CDKAL1: variants seen among roughly 807,000 people sequenced by gnomAD.
CDKAL1 encodes threonylcarbamoyladenosine tRNA methylthiotransferase.
CDKAL1 carries 32 observed loss-of-function variants against 68.2 expected under a neutral mutation model. The observed-to-expected ratio is 0.47, with a 90% confidence interval of 0.35 to 0.63. CDKAL1 has a LOEUF of 0.63. Ranked by LOEUF, CDKAL1 falls within the 30% of genes least tolerant of loss-of-function variation. CDKAL1 has a pLI of 0.00. For synonymous variants in CDKAL1, 234 were observed against 244.3 expected (o/e 0.96, Z 0.39); for missense variants, 606 against 696.7 (o/e 0.87, Z 1.47).
intron 4 of CDKAL1, among the ~76,000 whole-genome samples, chr6:20,609,970 C>G (rs1339384269): frequency 6.6e-6 from 1 of 152,064 alleles, no homozygotes; most frequent in South Asian, 2.1e-4. Context: ...GCGTTGTTCC[C>G]CTCTATGTGT....
chr6:20,599,643 C>A (rs988610518), intron 4 of CDKAL1, among the ~76,000 whole-genome samples: 12 of 152,030 alleles, frequency 7.9e-5, no homozygotes. Context: ...ACAGTGTATA[C>A]CAAATAAAAA....
intron 6 of CDKAL1, among the ~76,000 whole-genome samples, chr6:20,749,020 T>C (rs557245001): frequency 2.9e-4 from 44 of 152,146 alleles, no homozygotes; most frequent in South Asian, 1.2e-3. Flanking sequence ...TAAAATGTAT[T>C]CACTTCTTTT....
In CDKAL1 at chr6:20,886,079, C is replaced by G. The variant is rs148059651; in HGVS notation, c.742+39901C>G. ...AACTACGACTCAACAAGCAGACAAC[C>G]CAGTTAGAAAATGGACAAAAGATTT... On this transcript the variant is annotated intron_variant, in intron 9 of 15. Transcript: ENST00000274695. Among the ~76,000 whole-genome samples, 7 of 152,154 alleles carry G rather than the reference C, an allele frequency of 4.6e-5. No individual in the cohort carries two copies. In the South Asian group the frequency reaches 1.2e-3, roughly 27 times the overall value.
In CDKAL1 at chr6:20,859,295, TA is replaced by T. The variant is rs150385173; in HGVS notation, c.742+13127del. Among the ~76,000 whole-genome samples the T allele has an allele frequency of 9.5e-5, 14 of 147,342 alleles. No individual in the cohort carries two copies. The South Asian group carries it at 1.7e-3, about 18-fold the overall frequency. On this transcript the variant is annotated intron_variant, in intron 9 of 15. Coordinates refer to ENST00000274695, the MANE Select transcript of CDKAL1 (RefSeq NM_017774.3). Reference sequence around the variant, plus strand: ...CCTGACTCAGAAAAAATAAAAAACTTAAAAAAAAAAGAAAAAAAATGGTGTT... The same window carrying T: ...CCTGACTCAGAAAAAATAAAAAACTTAAAAAAAAAGAAAAAAAATGGTGTT...
intron 9 of CDKAL1, among the ~76,000 whole-genome samples, chr6:20,944,224 C>T (rs2150703623): frequency 6.6e-6 from 1 of 152,330 alleles, no homozygotes; most frequent in South Asian, 2.1e-4. Flanking sequence ...GAATCACATT[C>T]CTTCACTGTG....
intron 9 of CDKAL1, among the ~76,000 whole-genome samples, chr6:20,884,274 A>T (rs1365889963): frequency 1.3e-5 from 2 of 151,400 alleles, no homozygotes; most frequent in Non-Finnish European, 2.9e-5. Context: ...CATCTCAGGA[A>T]TGATGAGGTT....
At chr6:20,886,082 G>A (rs928137569) in intron 9 of CDKAL1, among the ~76,000 whole-genome samples, 2 of 152,110 alleles carry the variant, frequency 1.3e-5, no homozygotes, top group African/African-American at 4.8e-5. Context: ...AGACAACCCA[G>A]TTAGAAAATG....
chr6:20,921,065 G>A (rs1762932752), intron 9 of CDKAL1, among the ~76,000 whole-genome samples: 5 of 152,022 alleles, frequency 3.3e-5, no homozygotes. Context: ...TCATTGTTTG[G>A]ATGCTTTACA....
chr6:20,686,891 T>G (rs1159337859), intron 5 of CDKAL1, among the ~76,000 whole-genome samples: 1 of 152,200 alleles, frequency 6.6e-6, no homozygotes, highest in African/African-American at 2.4e-5. Context: ...TTATCATGAA[T>G]GGGTTTTGGA....
chr6:20,875,211 A>G (rs995939892), intron 9 of CDKAL1, among the ~76,000 whole-genome samples: 7 of 149,304 alleles, frequency 4.7e-5, no homozygotes, highest in African/African-American at 1.7e-4. Context: ...AGGCAGGAGA[A>G]TGGCGTGAAC....
chr6:20,627,547 G>A (rs983370633), intron 4 of CDKAL1, among the ~76,000 whole-genome samples: 1 of 152,048 alleles, frequency 6.6e-6, no homozygotes, highest in East Asian at 1.9e-4. Flanking sequence ...ATTCTTTTCC[G>A]AATTGTTTTG....
At chr6:20,651,352 G>A (rs912520563) in intron 5 of CDKAL1, among the ~76,000 whole-genome samples, 2 of 152,090 alleles carry the variant, frequency 1.3e-5, no homozygotes, top group African/African-American at 4.8e-5. Flanking sequence ...TTGGCTCTCA[G>A]TTTGTCTATT....
chr6:21,205,830 CTTTTTTTTTTTT>C (rs34849597), intron 15 of CDKAL1, among the ~76,000 whole-genome samples: 1 of 66,610 alleles, frequency 1.5e-5, no homozygotes, highest in Admixed American at 2.0e-4. Context: ...CGCGCCCAGC[CTTTTTTTTTTTT>C]TTTTTTTTTT....
At chr6:20,730,308 A>G (rs1241188670) in intron 5 of CDKAL1, among the ~76,000 whole-genome samples, 1 of 151,598 alleles carries the variant, frequency 6.6e-6, no homozygotes, top group Non-Finnish European at 1.5e-5. Context: ...AAAAGAAAGA[A>G]AGAGAAAGAA....
At chr6:21,188,694 A>G (rs1292151769) in intron 13 of CDKAL1, among the ~76,000 whole-genome samples, 1 of 152,050 alleles carries the variant, frequency 6.6e-6, no homozygotes, top group Non-Finnish European at 1.5e-5. Flanking sequence ...GGCATGACAG[A>G]GCTTGCCCAG....
At chr6:21,148,359 A>G (rs769971356) in intron 13 of CDKAL1, among the ~76,000 whole-genome samples, 1 of 152,200 alleles carries the variant, frequency 6.6e-6, no homozygotes, top group Non-Finnish European at 1.5e-5. Flanking sequence ...ACTCTTAATT[A>G]ATCCTTCTAA....
intron 4 of CDKAL1, among the ~76,000 whole-genome samples, chr6:20,564,080 C>A (rs1764369304): frequency 6.6e-6 from 1 of 152,004 alleles, no homozygotes; most frequent in African/African-American, 2.4e-5. Flanking sequence ...GAAGTGAAAA[C>A]AAATGTGAGG....
At chr6:21,220,740 G>A (rs1779512191) in intron 15 of CDKAL1, among the ~76,000 whole-genome samples, 1 of 152,248 alleles carries the variant, frequency 6.6e-6, no homozygotes, top group South Asian at 2.1e-4. Flanking sequence ...CACAGCTGGA[G>A]TGTCGAGAAT....
intron 9 of CDKAL1, among the ~76,000 whole-genome samples, chr6:20,896,974 A>G (rs1424838886): frequency 6.6e-6 from 1 of 152,208 alleles, no homozygotes; most frequent in Non-Finnish European, 1.5e-5. Context: ...TTGGACTGCT[A>G]TTACAAAATG....
Sources: gnomAD v4.1 joint callset for allele counts (sites outside exome capture counted in the v4.1 genomes callset) on GRCh38, gnomAD v4.1.1 for gene constraint, MANE v1.5 for transcripts, NCBI Gene and HGNC (gene_info 2026-07-23, HGNC 2026-07-21) for gene names.